FBXO38: variants seen among roughly 807,000 people sequenced by gnomAD.
The protein encoded by FBXO38 is F-box only protein 38.
In FBXO38, 53 loss-of-function variants were observed where a neutral mutation model predicts 131.9. That is an observed-to-expected ratio of 0.40 (90% CI 0.32 to 0.51). The LOEUF is 0.51. Ranked by LOEUF, FBXO38 falls within the 20% of genes least tolerant of loss-of-function variation. The probability of loss-of-function intolerance (pLI) is 0.53; values close to 1 mark genes in which losing one functional copy is unlikely to be tolerated. For missense variants in FBXO38, 1,076 were observed against 1,475.6 expected, an observed-to-expected ratio of 0.73 and a Z score of 4.44; for synonymous variants, 452 against 505.6, an observed-to-expected ratio of 0.89 and a Z score of 1.42.
In FBXO38 at chr5:148,424,075, A is replaced by T; in HGVS notation, c.1696A>T (p.Ser566Cys). 6.2e-7 allele frequency: 1 copy of T among 1,613,730 alleles called. No homozygotes were observed. Among genetic ancestry groups the T allele is most frequent in the Non-Finnish European group, 8.5e-7 (1 of 1,179,692 alleles). Residue 566 changes from serine (S) to cysteine (C), a missense_variant, in exon 13 of 22, where the codon AGC becomes TGC. Coordinates refer to ENST00000340253, the MANE Select transcript of FBXO38 (RefSeq NM_205836.3). ...GAGTGGAAATAATACTCCAGCTCACAGCCAGGCAATTATTCCTGTGGATGT... is the reference window on the plus strand; with the variant it reads ...GAGTGGAAATAATACTCCAGCTCACTGCCAGGCAATTATTCCTGTGGATGT... ...AESGNNTPAH[S>C]QAIIPVDVDE...
chr5:148,423,892 A>C (rs184140269), intron 12 of FBXO38, 106 bp from the exon 13 acceptor site: 1 of 941,098 alleles, frequency 1.1e-6, no homozygotes, highest in Non-Finnish European at 1.6e-6. Context: ...GGGCAGGCCT[A>C]GTAATCAGCG....
At chr5:148,414,432 A>G (rs1752938200) in intron 10 of FBXO38, 126 bp downstream of exon 10, 1 of 913,332 alleles carries the variant, frequency 1.1e-6, no homozygotes, top group South Asian at 1.9e-5. Context: ...TGGATTGTTC[A>G]TACAAGTTCT....
At position 148,404,740 on chromosome 5, in the gene FBXO38, G is replaced by C; in HGVS notation, c.648G>C (p.Lys216Asn). The C allele has an allele frequency of 6.2e-7, 1 of 1,602,780 alleles. No individual in the cohort carries two copies. The highest frequency in any genetic ancestry group is 8.5e-7 in the Non-Finnish European group (1 of 1,175,918). ...CAATGCTAAGGCACCTTTATATGAA[G>C]TGGGTAAGACTCACTAAACCACAGC... is the stretch of plus-strand genomic sequence containing the variant. ...CIPMLRHLYM[K>N]WVRLTKPQPF... The change falls in exon 6 of 22, where the codon AAG becomes AAC. Residue 216 changes from lysine to asparagine, a missense_variant. By Grantham distance (94) the Lys-to-Asn change is moderately conservative. This residue lies in a region of FBXO38 where 66 missense variants were observed against 72.4 expected (regional missense o/e 0.91). Transcript: ENST00000340253.
chr5:148,422,107 A>C (rs1753476350), intron 12 of FBXO38, among the ~76,000 whole-genome samples: 1 of 150,922 alleles, frequency 6.6e-6, no homozygotes, highest in African/African-American at 2.4e-5. Context: ...TTTCTTGCCC[A>C]GCTAAAATTA....
chr5:148,426,462 A>G (rs1561538680), intron 14 of FBXO38, among the ~76,000 whole-genome samples: 1 of 152,154 alleles, frequency 6.6e-6, no homozygotes, highest in African/African-American at 2.4e-5. Context: ...TCATTATTCA[A>G]TTTTTATTTC....
At position 148,394,774 on chromosome 5, in the gene FBXO38, A is replaced by G. The variant is rs1381832584; in HGVS notation, c.-3A>G. ...TCTCGTTGATACTGGAGACTGCACA[A>G]CAATGGGGCCACGAAAGAAAAGTGT... On this transcript the variant is annotated 5_prime_UTR_variant, in exon 2 of 22. Coordinates refer to ENST00000340253, the MANE Select transcript of FBXO38 (RefSeq NM_205836.3). 5 of 1,565,692 alleles carry G rather than the reference A, an allele frequency of 3.2e-6. No individual in the cohort carries two copies. The highest frequency in any genetic ancestry group is 4.3e-6 in the Non-Finnish European group (5 of 1,157,082).
intron 15 of FBXO38, 31 bp downstream of exon 15, chr5:148,427,978 C>T: frequency 6.8e-7 from 1 of 1,461,872 alleles, no homozygotes; most frequent in African/African-American, 1.4e-5. Flanking sequence ...TTAGCAACTG[C>T]AGGGTAGGGC....
At chr5:148,441,349 A>T in intron 21 of FBXO38, 112 bp downstream of exon 21, 1 of 754,818 alleles carries the variant, frequency 1.3e-6, no homozygotes, top group Non-Finnish European at 2.2e-6. Context: ...ATGGTTTCCC[A>T]TAGAAATAAT....
intron 15 of FBXO38, 100 bp downstream of exon 15, chr5:148,428,047 TA>T: frequency 2.3e-6 from 3 of 1,322,872 alleles, no homozygotes; most frequent in Non-Finnish European, 3.0e-6. Context: ...TTTGGCAAAT[TA>T]AATTCTATTT....
chr5:148,384,926 A>G (rs1219494857), intron 1 of FBXO38: 1 of 152,232 alleles, frequency 6.6e-6, no homozygotes, highest in Non-Finnish European at 1.5e-5. Context: ...TTGATGGTTT[A>G]CTTTGGCCAA....
chr5:148,425,805 A>G (rs1306355163), intron 14 of FBXO38, 104 bp downstream of exon 14: 1 of 971,210 alleles, frequency 1.0e-6, no homozygotes, highest in Non-Finnish European at 1.5e-6. Context: ...ATATTACGGA[A>G]TGTGACAGGA....
intron 15 of FBXO38, among the ~76,000 whole-genome samples, chr5:148,428,960 A>C (rs762686398): frequency 3.9e-5 from 6 of 152,148 alleles, no homozygotes; most frequent in African/African-American, 1.4e-4. Flanking sequence ...ATGTTTGATA[A>C]TATCTTTTTT....
chr5:148,413,903 T>G, intron 9 of FBXO38: 1 of 367,564 alleles, frequency 2.7e-6, no homozygotes, highest in Non-Finnish European at 4.8e-6. Flanking sequence ...TTGGAAATAA[T>G]TTTTCCTACT....
In FBXO38 at chr5:148,438,457, C is replaced by T. The variant is rs1754476514; in HGVS notation, c.2983C>T (p.Pro995Ser). ...ACTAGACCAGATACTAAGAATGCCA[C>T]CCGAGAGAAACCGCATCATATACCT... ...QVLDQILRMP[P>S]ERNRIIYLRP... Residue 995 changes from proline to serine, a missense_variant, in exon 18 of 22, where the codon CCC (proline) becomes TCC (serine). Coordinates refer to ENST00000340253, the MANE Select transcript of FBXO38 (RefSeq NM_205836.3). 1 of 1,613,846 alleles carries T rather than the reference C, an allele frequency of 6.2e-7. No individual in the cohort carries two copies.
chr5:148,400,886 A>G (rs931323036), intron 3 of FBXO38, among the ~76,000 whole-genome samples: 2 of 152,088 alleles, frequency 1.3e-5, no homozygotes, highest in African/African-American at 2.4e-5. Context: ...TGGTTGTGAG[A>G]ATAAATGAAA....
At chr5:148,386,797 G>C (rs1386672981) in intron 1 of FBXO38, among the ~76,000 whole-genome samples, 1 of 152,002 alleles carries the variant, frequency 6.6e-6, no homozygotes. Flanking sequence ...CAAAGTTTTT[G>C]GTTTCCCTGT....
chr5:148,436,174 C>T (rs1754336494), intron 17 of FBXO38, among the ~76,000 whole-genome samples: 1 of 152,210 alleles, frequency 6.6e-6, no homozygotes, highest in Admixed American at 6.5e-5. Flanking sequence ...ATGGTTGCCA[C>T]AGACCTTGTG....
At chr5:148,402,540 G>A (rs1581238027) in intron 5 of FBXO38, 27 bp downstream of exon 5, 2 of 1,518,138 alleles carry the variant, frequency 1.3e-6, no homozygotes, top group Admixed American at 1.8e-5. Context: ...TGGGTCACTT[G>A]TAACTCCTTG....
rs1202439939 is a variant in FBXO38 at position 148,389,465 on chromosome 5, A to C, written c.-63-5249A>C. ...CCCTCATGCTCCATGACTTCTCAGC[A>C]AGACTTCCTCCAAGTCATCTTTCTC... On this transcript the variant is annotated intron_variant, in intron 1 of 21. Coordinates refer to ENST00000340253, the MANE Select transcript of FBXO38 (RefSeq NM_205836.3). 3.3e-5 allele frequency among the ~76,000 whole-genome samples: 5 copies of C among 152,226 alleles called. No homozygotes were observed. In the East Asian group the frequency reaches 9.6e-4, roughly 29 times the overall value.
Sources: gnomAD v4.1 joint callset for allele counts (sites outside exome capture counted in the v4.1 genomes callset) on GRCh38, gnomAD v4.1.1 for gene constraint, gnomAD v4.1.1 regional missense constraint, MANE v1.5 for transcripts, NCBI Gene and HGNC (gene_info 2026-07-23, HGNC 2026-07-21) for gene names.